The following BAIAP2 variants were observed in gnomAD, a reference collection of about 807,000 sequenced individuals.
BAIAP2 encodes the protein BAR/IMD domain containing adaptor protein 2, also known as BAR/IMD domain-containing adapter protein 2.
BAIAP2 carries 18 observed loss-of-function variants against 63.0 expected under a neutral mutation model. That is an observed-to-expected ratio of 0.29 (90% CI 0.20 to 0.42). BAIAP2 has a LOEUF of 0.42. Ranked by LOEUF, BAIAP2 falls within the 10% of genes least tolerant of loss-of-function variation. The pLI is 1.00. For missense variants in BAIAP2, 610 were observed against 734.3 expected (o/e 0.83, Z 1.96); for synonymous variants, 386 against 307.6 (o/e 1.25, Z -2.67).
At chr17:81,051,702 T>G (rs1325843818) in intron 1 of BAIAP2, among the ~76,000 whole-genome samples, 1 of 152,194 alleles carries the variant, frequency 6.6e-6, no homozygotes, top group Admixed American at 6.5e-5. Flanking sequence ...TGTTTTATTT[T>G]TTTTAGAGAC....
In BAIAP2 at chr17:81,049,007, A is replaced by AC. The variant is rs34429122; in HGVS notation, c.55-4654dup. Among the ~76,000 whole-genome samples the AC allele has an allele frequency of 3.4e-3, 514 of 151,864 alleles. 3 individuals are homozygous for AC. Among genetic ancestry groups the AC allele is most frequent in the African/African-American group, 0.012 (481 of 41,354 alleles). Reference sequence around the variant, plus strand: ...CCCTTCATAGGCAGGCCGGCCCAGGACCCCCCCTGGGGTGGGAAAGGTGTT... The same window carrying AC: ...CCCTTCATAGGCAGGCCGGCCCAGGACCCCCCCCTGGGGTGGGAAAGGTGTT... On this transcript the variant is annotated intron_variant, in intron 1 of 13. Transcript: ENST00000428708.
chr17:81,103,438 C>T, intron 7 of BAIAP2, 64 bp from the exon 8 acceptor site: 2 of 1,461,250 alleles, frequency 1.4e-6, no homozygotes, highest in East Asian at 2.5e-5. Flanking sequence ...GCCCTCAGCG[C>T]TGTGCCTGGC....
At chr17:81,055,465 C>G (rs757249713) in intron 2 of BAIAP2, among the ~76,000 whole-genome samples, 1 of 152,186 alleles carries the variant, frequency 6.6e-6, no homozygotes, top group African/African-American at 2.4e-5. Flanking sequence ...TTCTCTCCAC[C>G]CTGCCCCTCC....
At chr17:81,075,380 C>T (rs1268620278) in intron 3 of BAIAP2, among the ~76,000 whole-genome samples, 1 of 152,202 alleles carries the variant, frequency 6.6e-6, no homozygotes, top group African/African-American at 2.4e-5. Flanking sequence ...CCAGGGCATC[C>T]CCGGTTTGGC....
rs1491574680 is a variant in BAIAP2, at chr17:81,115,760, T to TC, written c.1536-9dup. On this transcript the variant is annotated splice_polypyrimidine_tract_variant and intron_variant, in intron 13 of 13. Coordinates refer to ENST00000428708, the MANE Select transcript of BAIAP2 (RefSeq NM_001144888.2). ...GCCCTAAAAATTAAAACCACGTTTT[T>TC]CTCTTTCAGGAATCCCTTTGCCCAC... is the stretch of plus-strand genomic sequence containing the variant. 1 of 1,611,454 alleles carries TC rather than the reference T, an allele frequency of 6.2e-7. No homozygotes were observed. Among genetic ancestry groups the TC allele is most frequent in the Admixed American group, 1.7e-5 (1 of 60,006 alleles).
chr17:81,055,776 A>G (rs1413847206), intron 2 of BAIAP2, among the ~76,000 whole-genome samples: 3 of 151,768 alleles, frequency 2.0e-5, no homozygotes, highest in Non-Finnish European at 2.9e-5. Context: ...TGTGTTAGCC[A>G]GGATGGTCTC....
intron 3 of BAIAP2, among the ~76,000 whole-genome samples, chr17:81,061,772 A>G (rs1412614422): frequency 1.3e-5 from 2 of 152,086 alleles, no homozygotes; most frequent in Non-Finnish European, 2.9e-5. Flanking sequence ...TTTGTTCACC[A>G]CTGATCTCTC....
chr17:81,106,631 C>T, intron 11 of BAIAP2, 114 bp from the exon 12 acceptor site: 2 of 1,281,936 alleles, frequency 1.6e-6, no homozygotes, highest in Non-Finnish European at 1.1e-6. Flanking sequence ...TGAGAGCAGC[C>T]TCCCCGCATG....
At chr17:81,038,368 AG>A (rs1308914945) in intron 1 of BAIAP2, among the ~76,000 whole-genome samples, 1 of 152,234 alleles carries the variant, frequency 6.6e-6, no homozygotes, top group Non-Finnish European at 1.5e-5. Flanking sequence ...CCTGGCTCCC[AG>A]GTGACCCATG....
chr17:81,099,312 A>G (rs987641977), intron 6 of BAIAP2, among the ~76,000 whole-genome samples: 2 of 152,076 alleles, frequency 1.3e-5, no homozygotes, highest in African/African-American at 2.4e-5. Context: ...CGTCATTCAG[A>G]GCCGGAGCCG....
intron 3 of BAIAP2, among the ~76,000 whole-genome samples, chr17:81,074,377 T>A (rs1261413697): frequency 6.6e-6 from 1 of 151,786 alleles, no homozygotes; most frequent in Admixed American, 6.6e-5. Flanking sequence ...TGTGTGTGCG[T>A]GCACGGATAC....
intron 3 of BAIAP2, among the ~76,000 whole-genome samples, chr17:81,060,578 T>A (rs1233692154): frequency 1.3e-5 from 2 of 152,192 alleles, no homozygotes; most frequent in Non-Finnish European, 1.5e-5. Context: ...ACCCATTTCA[T>A]TTATCTGGGG....
intron 11 of BAIAP2, 94 bp downstream of exon 11, chr17:81,106,240 C>T (rs1474152186): frequency 7.7e-7 from 1 of 1,295,792 alleles, no homozygotes; most frequent in Non-Finnish European, 1.1e-6. Flanking sequence ...CTCGGCTGGG[C>T]TTCCGGCTCC....
At chr17:81,068,761 C>T (rs2051997402) in intron 3 of BAIAP2, among the ~76,000 whole-genome samples, 1 of 152,164 alleles carries the variant, frequency 6.6e-6, no homozygotes, top group Non-Finnish European at 1.5e-5. Flanking sequence ...CCTGGGGGGA[C>T]TCCGGTCCCA....
At chr17:81,058,165 C>G (rs1485085106) in intron 3 of BAIAP2, among the ~76,000 whole-genome samples, 198 bp downstream of exon 3, 2 of 152,202 alleles carry the variant, frequency 1.3e-5, no homozygotes, top group Admixed American at 1.3e-4. Flanking sequence ...GTCCCCGTCC[C>G]CTGAGGCGTG....
intron 10 of BAIAP2, among the ~76,000 whole-genome samples, 181 bp downstream of exon 10, chr17:81,104,896 G>A (rs940358352): frequency 2.6e-5 from 4 of 152,060 alleles, no homozygotes; most frequent in Non-Finnish European, 2.9e-5. Context: ...ACCAACAGGC[G>A]TCTTCTCCCC....
At chr17:81,106,588 C>T (rs770446803) in intron 11 of BAIAP2, among the ~76,000 whole-genome samples, 157 bp from the exon 12 acceptor site, 5 of 152,220 alleles carry the variant, frequency 3.3e-5, no homozygotes, top group Admixed American at 1.3e-4. Context: ...CAGACTGGCC[C>T]GGCCCATGGT....
chr17:81,110,487 GTTT>G, intron 13 of BAIAP2: 1 of 1,028,034 alleles, frequency 9.7e-7, no homozygotes, highest in Non-Finnish European at 1.2e-6. Context: ...GCAGTTACTT[GTTT>G]GAATAAAAGT....
At chr17:81,050,719 G>A (rs116045971) in intron 1 of BAIAP2, among the ~76,000 whole-genome samples, 4 of 81,040 alleles carry the variant, frequency 4.9e-5, no homozygotes, top group South Asian at 3.1e-4. Flanking sequence ...GCACACACAC[G>A]CACACAAATG....
Sources: allele counts gnomAD v4.1 joint callset (sites outside exome capture counted in the v4.1 genomes callset), GRCh38; gene constraint gnomAD v4.1.1; transcripts MANE v1.5; gene names NCBI Gene and HGNC (gene_info 2026-07-23, HGNC 2026-07-21).